ZNF346: variants seen among roughly 807,000 people sequenced by gnomAD.
ZNF346 encodes the protein zinc finger protein 346.
Under a neutral mutation model 33.7 loss-of-function variants are expected in ZNF346, and 23 were observed. The ratio of observed to expected loss-of-function variants is 0.68; its 90% confidence interval spans 0.49 to 0.97. The LOEUF (loss-of-function observed/expected upper bound fraction) is 0.97. Among genes scored for constraint, ZNF346 ranks in the 50% least tolerant of loss-of-function variants. The pLI, the probability that ZNF346 is intolerant of heterozygous loss-of-function variation, is 0.00. For synonymous variants in ZNF346, 134 were observed against 142.4 expected (o/e 0.94, Z 0.42); for missense variants, 340 against 371.1 (o/e 0.92, Z 0.69).
chr5:177,028,229 G>A (rs1363080328), intron 1 of ZNF346, among the ~76,000 whole-genome samples: 4 of 149,150 alleles, frequency 2.7e-5, no homozygotes, highest in Non-Finnish European at 4.5e-5. Flanking sequence ...AGTAGAGACG[G>A]GGTTTCACTG....
At chr5:177,078,583 T>C (rs532864177) in intron 8 of ZNF346, among the ~76,000 whole-genome samples, 1 of 152,004 alleles carries the variant, frequency 6.6e-6, no homozygotes, top group Admixed American at 6.5e-5. Flanking sequence ...ACAGTTGAAA[T>C]CCCATCTGGC....
intron 1 of ZNF346, among the ~76,000 whole-genome samples, chr5:177,038,715 A>G (rs1199032732): frequency 1.3e-5 from 2 of 151,908 alleles, no homozygotes; most frequent in African/African-American, 4.8e-5. Context: ...CTGATTCTGA[A>G]TATGCTTGAA....
At chr5:177,064,139 T>A (rs540040020) in intron 6 of ZNF346, among the ~76,000 whole-genome samples, 1 of 152,236 alleles carries the variant, frequency 6.6e-6, no homozygotes, top group African/African-American at 2.4e-5. Flanking sequence ...CCATTCATTT[T>A]ACTCTGCCAC....
intron 1 of ZNF346, among the ~76,000 whole-genome samples, chr5:177,027,413 T>C (rs1281160155): frequency 6.6e-6 from 1 of 151,912 alleles, no homozygotes; most frequent in East Asian, 2.0e-4. Flanking sequence ...TTGTAAAATT[T>C]GTGTTTTTGT....
At chr5:177,026,854 T>C (rs966465682) in intron 1 of ZNF346, among the ~76,000 whole-genome samples, 1 of 152,202 alleles carries the variant, frequency 6.6e-6, no homozygotes, top group East Asian at 1.9e-4. Flanking sequence ...AGTGATTGGC[T>C]GTACATTAAG....
intron 5 of ZNF346, among the ~76,000 whole-genome samples, chr5:177,053,678 T>A (rs557975564): frequency 1.2e-4 from 18 of 152,316 alleles, no homozygotes; most frequent in African/African-American, 4.1e-4. Flanking sequence ...TGTTCTTGTT[T>A]GCTATGAATT....
chr5:177,064,342 GAATGATGGAAGCT>G (rs1229311593), intron 6 of ZNF346, among the ~76,000 whole-genome samples, 157 bp from the exon 7 acceptor site: 1 of 152,218 alleles, frequency 6.6e-6, no homozygotes, highest in African/African-American at 2.4e-5. Context: ...CATGAGGATG[GAATGATGGAAGCT>G]AAGCATCCAG....
At chr5:177,058,502 CAG>C (rs1174340571) in intron 5 of ZNF346, among the ~76,000 whole-genome samples, 3 of 151,926 alleles carry the variant, frequency 2.0e-5, no homozygotes, top group African/African-American at 7.2e-5. Flanking sequence ...AATAACTAGG[CAG>C]AGAGTCAGGG....
chr5:177,026,930 A>G (rs1374207864), intron 1 of ZNF346, among the ~76,000 whole-genome samples: 1 of 152,188 alleles, frequency 6.6e-6, no homozygotes, highest in African/African-American at 2.4e-5. Context: ...ACTTGTGGCA[A>G]TAGCAAGCAG....
intron 1 of ZNF346, among the ~76,000 whole-genome samples, chr5:177,027,897 C>G (rs1777033096): frequency 2.0e-5 from 3 of 151,832 alleles, no homozygotes; most frequent in Admixed American, 2.0e-4. Context: ...CCTGCCTCAG[C>G]CTCCCAAAGG....
intron 1 of ZNF346, among the ~76,000 whole-genome samples, chr5:177,039,576 C>T (rs532856416): frequency 1.3e-5 from 2 of 152,288 alleles, no homozygotes; most frequent in African/African-American, 2.4e-5. Context: ...CTGTCTCAGC[C>T]TTAGCCTCCC....
chr5:177,064,905 C>A lies in ZNF346; in HGVS notation c.*306C>A. 1 of 333,394 alleles carries A rather than the reference C, an allele frequency of 3.0e-6. No individual in the cohort carries two copies. Among genetic ancestry groups the A allele is most frequent in the Non-Finnish European group, 5.6e-6 (1 of 180,130 alleles). 20.7% of individuals were successfully genotyped at this position (333,394 alleles called of 1,614,324 possible). A position where few individuals can be genotyped will look rare whatever the true frequency, so the allele number is the denominator to read the frequency against. ...CCCCTCTGGGCCTTAGGTGCTGAGGCCCCTGCCACCTGTCTTTCCTCTAAA... is the reference window on the plus strand; with the variant it reads ...CCCCTCTGGGCCTTAGGTGCTGAGGACCCTGCCACCTGTCTTTCCTCTAAA... On this transcript the variant is annotated 3_prime_UTR_variant, in exon 7 of 7. Coordinates refer to ENST00000358149, the MANE Select transcript of ZNF346 (RefSeq NM_012279.4).
At chr5:177,078,591 G>A (rs1324070734) in intron 8 of ZNF346, among the ~76,000 whole-genome samples, 1 of 152,204 alleles carries the variant, frequency 6.6e-6, no homozygotes, top group African/African-American at 2.4e-5. Context: ...AATCCCATCT[G>A]GCAATGTAAC....
At chr5:177,078,395 G>C (rs1037421191) in intron 8 of ZNF346, among the ~76,000 whole-genome samples, 3 of 152,216 alleles carry the variant, frequency 2.0e-5, no homozygotes, top group Non-Finnish European at 4.4e-5. Flanking sequence ...ACTGGAGCTG[G>C]GACAGCAGAG....
chr5:177,064,455 T>A, intron 6 of ZNF346, 57 bp from the exon 7 acceptor site: 1 of 1,377,924 alleles, frequency 7.3e-7, no homozygotes, highest in Non-Finnish European at 1.0e-6. Flanking sequence ...ATCATTGCAG[T>A]AGGCCAATAC....
chr5:177,058,569 G>A (rs1342150403), intron 5 of ZNF346, among the ~76,000 whole-genome samples: 2 of 152,126 alleles, frequency 1.3e-5, no homozygotes, highest in Admixed American at 6.6e-5. Flanking sequence ...ATCTCCACAC[G>A]TTCCTATAAA....
chr5:177,071,184 A>G (rs1783480340), downstream of ZNF346, among the ~76,000 whole-genome samples: 1 of 152,074 alleles, frequency 6.6e-6, no homozygotes, highest in South Asian at 2.1e-4. Flanking sequence ...AAGTTAGAAG[A>G]AATCACAGTT....
At chr5:177,031,248 A>G (rs1198361757) in intron 1 of ZNF346, among the ~76,000 whole-genome samples, 1 of 152,064 alleles carries the variant, frequency 6.6e-6, no homozygotes, top group African/African-American at 2.4e-5. Context: ...TGGCAAGGCT[A>G]GTCTCAAACT....
chr5:177,024,489 C>T (rs981203040), intron 1 of ZNF346, among the ~76,000 whole-genome samples: 7 of 152,150 alleles, frequency 4.6e-5, no homozygotes, highest in East Asian at 1.9e-4. Context: ...TGAGCCACCG[C>T]ACCCGGCTCT....
Sources: gnomAD v4.1 joint callset for allele counts (sites outside exome capture counted in the v4.1 genomes callset) on GRCh38, gnomAD v4.1.1 for gene constraint, MANE v1.5 for transcripts, NCBI Gene and HGNC (gene_info 2026-07-23, HGNC 2026-07-21) for gene names.